CSNK2A1: variants seen among roughly 807,000 people sequenced by gnomAD.
CSNK2A1 encodes casein kinase II subunit alpha.
Under a neutral mutation model 62.9 loss-of-function variants are expected in CSNK2A1, and 10 were observed. The ratio of observed to expected loss-of-function variants is 0.16; its 90% CI spans 0.10 to 0.27. The LOEUF is 0.27. CSNK2A1 is among the 10% of genes least tolerant of loss of function. CSNK2A1 has a pLI of 1.00. For synonymous variants in CSNK2A1, 124 were observed against 167.8 expected (o/e 0.74, Z 2.02); for missense variants, 160 against 492.0 (o/e 0.33, Z 6.38).
intron 4 of CSNK2A1, chr20:502,797 C>T (rs2018497890): frequency 6.6e-6 from 1 of 152,214 alleles, no homozygotes; most frequent in African/African-American, 2.4e-5. Context: ...TTTCCAAGTT[C>T]AACTCCTATG....
At chr20:495,428 T>A (rs573811052) in intron 8 of CSNK2A1, 3 of 340,906 alleles carry the variant, frequency 8.8e-6, no homozygotes, top group South Asian at 3.3e-5. Context: ...GGAGAGAAAG[T>A]AGTTTCTCAG....
chr20:539,742 C>T (rs1213664065), intron 1 of CSNK2A1: 2 of 152,216 alleles, frequency 1.3e-5, no homozygotes, highest in Non-Finnish European at 2.9e-5. Context: ...CATCCCATCC[C>T]AAGGTCCCAA....
At chr20:529,376 T>C (rs898598961) in intron 1 of CSNK2A1, among the ~76,000 whole-genome samples, 7 of 152,142 alleles carry the variant, frequency 4.6e-5, no homozygotes, top group African/African-American at 9.7e-5. Context: ...TCTTGCACCA[T>C]CTAGTACCAT....
chr20:522,042 G>A (rs921557442), intron 2 of CSNK2A1, among the ~76,000 whole-genome samples: 2 of 152,204 alleles, frequency 1.3e-5, no homozygotes, highest in African/African-American at 4.8e-5. Context: ...GGTGAGCAGC[G>A]GGAGTCACTC....
chr20:511,205 T>A (rs989079647), intron 2 of CSNK2A1, among the ~76,000 whole-genome samples: 2 of 151,988 alleles, frequency 1.3e-5, no homozygotes, highest in African/African-American at 4.8e-5. Context: ...CCAGGTGTGA[T>A]GGTGTCTGCC....
At chr20:521,574 G>A (rs1171033870) in intron 2 of CSNK2A1, among the ~76,000 whole-genome samples, 2 of 151,276 alleles carry the variant, frequency 1.3e-5, no homozygotes, top group Non-Finnish European at 3.0e-5. Flanking sequence ...AAGAGAAACG[G>A]AAACCCGTAT....
chr20:511,701 T>C (rs915585118), intron 2 of CSNK2A1, among the ~76,000 whole-genome samples: 92 of 103,540 alleles, frequency 8.9e-4, no homozygotes, highest in African/African-American at 3.8e-3. Flanking sequence ...TGTGTATATA[T>C]ATACACACAC....
intron 2 of CSNK2A1, among the ~76,000 whole-genome samples, chr20:525,836 TAAAAAAA>T (rs397864425): frequency 1.4e-4 from 10 of 71,048 alleles, no homozygotes; most frequent in East Asian, 8.3e-4. Context: ...TTAAAACTAT[TAAAAAAA>T]AAAAAAAAAA....
Position 487,458 on chromosome 20 carries a change from A to T in CSNK2A1, c.942T>A (p.Thr314=), listed in dbSNP as rs199534603. Residue 314 remains threonine, a synonymous_variant, in exon 12 of 14, where the codon ACT becomes ACA. Transcript: ENST00000217244. ...LLRYDHQSRL[T]AREAMEHPYF... ...AGGGGTGCTCCATTGCCTCTCTTGC[A>T]GTAAGCCGTGACTGGTGGTCATATC... 1.9e-6 allele frequency: 3 copies of T among 1,614,136 alleles called. No homozygotes were observed. In the African/African-American group the frequency reaches 4.0e-5, roughly 22 times the overall value.
chr20:541,740 T>C (rs1412768053), intron 1 of CSNK2A1, among the ~76,000 whole-genome samples: 1 of 152,228 alleles, frequency 6.6e-6, no homozygotes, highest in Admixed American at 6.5e-5. Flanking sequence ...AGTACATAAC[T>C]AGGCTTTTTT....
In CSNK2A1 at chr20:478,874, C is replaced by A; in HGVS notation, c.*5087G>T. 1 of 247,038 alleles carries A rather than the reference C, an allele frequency of 4.0e-6. No individual in the cohort carries two copies. 15.3% of individuals were successfully genotyped at this position (247,038 alleles called of 1,614,324 possible). A position where few individuals can be genotyped will look rare whatever the true frequency, so the allele number is the denominator to read the frequency against. ...CCTGGGAGGTTGAGGCTGCAGTGAG[C>A]TGTGATGGCGCTACTGCACTCTAGC... On this transcript the variant is annotated 3_prime_UTR_variant, in exon 14 of 14. Transcript: ENST00000217244.
chr20:499,971 A>G lies in CSNK2A1; in HGVS notation c.214-37T>C. 6.4e-7 allele frequency: 1 copy of G among 1,559,014 alleles called. No homozygotes were observed. Among genetic ancestry groups the G allele is most frequent in the South Asian group, 1.2e-5 (1 of 86,128 alleles). ...AAAGTACATCAGCAAAAAAAAAAAA[A>G]AAAAATTTTTTCAGAGTATTTCAAC... On this transcript the variant is annotated intron_variant, in intron 4 of 13. Transcript: ENST00000217244. The surrounding 1 kb of genome is among the most constrained non-coding windows in gnomAD (Gnocchi z 4.2).
chr20:482,661 C>G lies in CSNK2A1; in HGVS notation c.*1300G>C, dbSNP rs2017977026. 6.6e-6 allele frequency: 1 copy of G among 152,638 alleles called. No individual in the cohort carries two copies. The highest frequency in any genetic ancestry group is 2.4e-5 in the African/African-American group (1 of 41,440). The allele number at this position is 152,638 out of a possible 1,614,324, so 9.5% of individuals were successfully genotyped here. On this transcript the variant is annotated 3_prime_UTR_variant, in exon 14 of 14. Transcript: ENST00000217244. ...ATGTGAACATGAGACACCCACCCAG[C>G]AAGACCTTTACACAGGGAACTTAAA... is the stretch of plus-strand genomic sequence containing the variant.
chr20:540,790 A>G (rs555735700), intron 1 of CSNK2A1: 9 of 152,294 alleles, frequency 5.9e-5, no homozygotes, highest in African/African-American at 2.2e-4. Flanking sequence ...ATTACCACAA[A>G]TGTAGTAGCT....
In CSNK2A1 at chr20:489,724, G is replaced by T. The variant is rs1426841360; in HGVS notation, c.723+56C>A. The T allele has an allele frequency of 1.3e-5, 18 of 1,417,894 alleles. No individual in the cohort carries two copies. In the African/African-American group the frequency reaches 2.0e-4, roughly 16 times the overall value. 87.8% of individuals were successfully genotyped at this position (1,417,894 alleles called of 1,614,324 possible). ...CAGTGAACTGAAAGTTACAGGCAGT[G>T]CTGGCTATCATTGCATTAGGCCAGT... On this transcript the variant is annotated intron_variant, in intron 10 of 13. Transcript: ENST00000217244.
In CSNK2A1 at chr20:527,398, A is replaced by C. The variant is rs537266370; in HGVS notation, c.-110+535T>G. Reference sequence around the variant, plus strand: ...TGAACTGCACAGATTAACATTTTCAAAACATTTGTTTAAACTGACTGAACT... The same window carrying C: ...TGAACTGCACAGATTAACATTTTCACAACATTTGTTTAAACTGACTGAACT... On this transcript the variant is annotated intron_variant, in intron 2 of 13. Transcript: ENST00000217244. 9.8e-4 allele frequency among the ~76,000 whole-genome samples: 150 copies of C among 152,334 alleles called. 1 individual carries two copies. The highest frequency in any genetic ancestry group is 2.9e-3 in the Admixed American group (44 of 15,298).
At chr20:508,734 T>C (rs2018656077) in intron 2 of CSNK2A1, 74 bp from the exon 3 acceptor site, 1 of 562,274 alleles carries the variant, frequency 1.8e-6, no homozygotes, top group Admixed American at 3.5e-5. Context: ...ATCTTACAAA[T>C]AATAATGGCC....
chr20:482,785 C>G lies in CSNK2A1; in HGVS notation c.*1176G>C, dbSNP rs921553707. 1 of 152,774 alleles carries G rather than the reference C, an allele frequency of 6.5e-6. No homozygotes were observed. 9.5% of individuals were successfully genotyped at this position (152,774 alleles called of 1,614,324 possible). A position where few individuals can be genotyped will look rare whatever the true frequency, so the allele number is the denominator to read the frequency against. On this transcript the variant is annotated 3_prime_UTR_variant, in exon 14 of 14. Coordinates refer to ENST00000217244, the MANE Select transcript of CSNK2A1 (RefSeq NM_177559.3). Reference sequence around the variant, plus strand: ...GGACAAAGTATTATATATATACACACAGCAAGGGGTGGCGGGGCTGTAACA... The same window carrying G: ...GGACAAAGTATTATATATATACACAGAGCAAGGGGTGGCGGGGCTGTAACA...
rs540474809 is a variant in CSNK2A1 at position 524,329 on chromosome 20, C to G, written c.-110+3604G>C. On this transcript the variant is annotated intron_variant, in intron 2 of 13. Coordinates refer to ENST00000217244, the MANE Select transcript of CSNK2A1 (RefSeq NM_177559.3). ...TCCCAGCTGCTCTTAGAGGCTGAGG[C>G]AGGGGAATCGCTTGAAACTCTCGAG... Among the ~76,000 whole-genome samples, 11 of 145,738 alleles carry G rather than the reference C, an allele frequency of 7.5e-5. No individual in the cohort carries two copies. In the Admixed American group the frequency reaches 7.7e-4, roughly 10 times the overall value.
Sources: gnomAD v4.1 joint callset for allele counts (sites outside exome capture counted in the v4.1 genomes callset) on GRCh38, gnomAD v4.1.1 for gene constraint, Gnocchi (gnomAD v3.1) non-coding constraint, MANE v1.5 for transcripts, NCBI Gene and HGNC (gene_info 2026-07-23, HGNC 2026-07-21) for gene names.